Variants in DOCK1 observed in about 807,000 individuals in gnomAD.
DOCK1 encodes the protein dedicator of cytokinesis protein 1.
A neutral mutation model predicts 262.7 loss-of-function variants in DOCK1; 138 were observed. The observed-to-expected ratio is 0.53, with a 90% CI of 0.46 to 0.61. DOCK1 has a LOEUF of 0.61. Ranked by LOEUF, DOCK1 falls within the 20% of genes least tolerant of loss-of-function variation. DOCK1 has a pLI of 0.00. For synonymous variants in DOCK1, 866 were observed against 867.4 expected (o/e 1.00, Z 0.03); for missense variants, 1,908 against 2,370.7 (o/e 0.80, Z 4.05).
intron 27 of DOCK1, among the ~76,000 whole-genome samples, chr10:127,203,762 T>C (rs1263286497): frequency 6.6e-6 from 1 of 152,122 alleles, no homozygotes; most frequent in Non-Finnish European, 1.5e-5. Context: ...AATTTGTGTT[T>C]TGGCACATTC....
chr10:126,991,836 T>C (rs1449138227), intron 6 of DOCK1, among the ~76,000 whole-genome samples: 1 of 152,130 alleles, frequency 6.6e-6, no homozygotes, highest in Non-Finnish European at 1.5e-5. Flanking sequence ...GCCGGAAATC[T>C]CAAGTTTTAA....
At chr10:127,318,162 G>A (rs1026233078) in intron 29 of DOCK1, among the ~76,000 whole-genome samples, 13 of 152,150 alleles carry the variant, frequency 8.5e-5, no homozygotes, top group African/African-American at 1.2e-4. Flanking sequence ...GATTATTTTC[G>A]TTGCAAAATT....
At chr10:126,963,621 TTCCCTTCCCTTCCCTTCCC>T (rs1460361269) in intron 1 of DOCK1, among the ~76,000 whole-genome samples, 24 of 61,998 alleles carry the variant, frequency 3.9e-4, no homozygotes, top group African/African-American at 1.8e-3. Flanking sequence ...TTCCCTTCCC[TTCCCTTCCCTTCCCTTCCC>T]TCCTTCCTTC....
chr10:127,427,393 C>T (rs148901176), intron 47 of DOCK1, among the ~76,000 whole-genome samples: 1 of 152,134 alleles, frequency 6.6e-6, no homozygotes, highest in South Asian at 2.1e-4. Flanking sequence ...TCTATTGAAC[C>T]CTGTTTTCTT....
Position 127,208,710 on chromosome 10 carries a change from AGATCACTGAGCT to A in DOCK1, c.2848-39297_2848-39286del, listed in dbSNP as rs2057834314. Among the ~76,000 whole-genome samples the A allele has an allele frequency of 3.9e-5, 6 of 152,332 alleles. No individual in the cohort carries two copies. The South Asian group carries it at 1.2e-3, about 32-fold the overall frequency. Reference sequence around the variant, plus strand: ...ACAAAATGTGACATAGTGAACATTGAGATCACTGAGCTTCATTGTGGATTAGCACCCCACTTT... The same window carrying A: ...ACAAAATGTGACATAGTGAACATTGATCATTGTGGATTAGCACCCCACTTT... On this transcript the variant is annotated intron_variant, in intron 27 of 51. Transcript: ENST00000623213.
intron 2 of DOCK1, 99 bp from the exon 3 acceptor site, chr10:126,977,849 C>G (rs2038664093): frequency 3.4e-6 from 4 of 1,192,704 alleles, no homozygotes; most frequent in Admixed American, 1.8e-5. Context: ...ACTGACCTCA[C>G]TGGTTCTGCC....
chr10:127,195,549 A>C (rs955997227), intron 27 of DOCK1, among the ~76,000 whole-genome samples: 1 of 146,840 alleles, frequency 6.8e-6, no homozygotes, highest in Non-Finnish European at 1.5e-5. Flanking sequence ...AATCAGCCGT[A>C]CTTGTACTTT....
At chr10:127,186,748 T>C (rs2056309737) in intron 27 of DOCK1, among the ~76,000 whole-genome samples, 1 of 152,030 alleles carries the variant, frequency 6.6e-6, no homozygotes, top group Non-Finnish European at 1.5e-5. Context: ...GCCACACTGC[T>C]GTTGTCCATT....
rs35535729 is a variant in DOCK1, at chr10:127,422,158, C to CTTTTTTTTTTTTTTTTTTT, written c.4776+2418_4776+2436dup. On this transcript the variant is annotated intron_variant, in intron 46 of 51. Coordinates refer to ENST00000623213, the MANE Select transcript of DOCK1 (RefSeq NM_001290223.2). Reference sequence around the variant, plus strand: ...CAACAAGACTTGTTATTTTGTTTGTCTTTTTTTTTTTTTTTTTTTTTTTTT... The same window carrying CTTTTTTTTTTTTTTTTTTT: ...CAACAAGACTTGTTATTTTGTTTGTCTTTTTTTTTTTTTTTTTTTTTTTTTTTTTTTTTTTTTTTTTTTT... Among the ~76,000 whole-genome samples, 22 of 61,384 alleles carry CTTTTTTTTTTTTTTTTTTT rather than the reference C, an allele frequency of 3.6e-4. 3 individuals carry two copies. Among genetic ancestry groups the CTTTTTTTTTTTTTTTTTTT allele is most frequent in the African/African-American group, 6.4e-4 (9 of 14,114 alleles). The allele number at this position is 61,384 out of a possible 152,430, so 40.3% of individuals were successfully genotyped here. A position where few individuals can be genotyped will look rare whatever the true frequency, so the allele number is the denominator to read the frequency against.
At chr10:127,101,693 C>T (rs1002642083) in intron 23 of DOCK1, among the ~76,000 whole-genome samples, 3 of 152,188 alleles carry the variant, frequency 2.0e-5, no homozygotes, top group Non-Finnish European at 2.9e-5. Flanking sequence ...TGTCCGGCAG[C>T]CCAAGGGGAG....
intron 27 of DOCK1, among the ~76,000 whole-genome samples, chr10:127,221,537 G>A (rs1435443026): frequency 2.0e-5 from 3 of 152,182 alleles, no homozygotes; most frequent in Admixed American, 1.3e-4. Context: ...GCATCCATGT[G>A]CCCATGTGTC....
intron 29 of DOCK1, among the ~76,000 whole-genome samples, chr10:127,262,213 C>CATATAT (rs372547717): frequency 7.9e-6 from 1 of 126,484 alleles, no homozygotes. Flanking sequence ...TGTGTGTGTG[C>CATATAT]GTGTGTGTGT....
At chr10:127,259,766 A>G (rs962000312) in intron 29 of DOCK1, among the ~76,000 whole-genome samples, 2 of 150,322 alleles carry the variant, frequency 1.3e-5, no homozygotes, top group African/African-American at 4.9e-5. Flanking sequence ...AGGAGGGAAT[A>G]GTCAAAATCT....
chr10:127,122,339 T>G (rs907577286), intron 25 of DOCK1, among the ~76,000 whole-genome samples: 2 of 152,180 alleles, frequency 1.3e-5, no homozygotes, highest in Non-Finnish European at 2.9e-5. Context: ...AGACTGACCT[T>G]TGGCCTTTAG....
In DOCK1 at chr10:127,127,665, C is replaced by G; in HGVS notation, c.2752-4C>G. 6.2e-7 allele frequency: 1 copy of G among 1,610,086 alleles called. No individual in the cohort carries two copies. Among genetic ancestry groups the G allele is most frequent in the Non-Finnish European group, 8.5e-7 (1 of 1,177,042 alleles). On this transcript the variant is annotated splice_region_variant and splice_polypyrimidine_tract_variant and intron_variant, in intron 26 of 51. Coordinates refer to ENST00000623213, the MANE Select transcript of DOCK1 (RefSeq NM_001290223.2). ...TTGGTGTTCATTGGTGTGTCCTTCCCCAGGGGCCAACCCAGAGGCACGTCC... is the reference window on the plus strand; with the variant it reads ...TTGGTGTTCATTGGTGTGTCCTTCCGCAGGGGCCAACCCAGAGGCACGTCC...
chr10:127,384,050 G>A (rs1337187749), intron 37 of DOCK1, among the ~76,000 whole-genome samples: 2 of 152,156 alleles, frequency 1.3e-5, no homozygotes, highest in Non-Finnish European at 2.9e-5. Flanking sequence ...TGGGAGTCAG[G>A]CATCTTCCGC....
At chr10:127,338,965 G>T (rs571171288) in intron 29 of DOCK1, 41 bp from the exon 30 acceptor site, 3 of 1,518,288 alleles carry the variant, frequency 2.0e-6, no homozygotes, top group East Asian at 4.9e-5. Context: ...AAGTGCCAGA[G>T]CGTAAGTGTG....
At chr10:127,385,683 C>T (rs2066070881) in intron 38 of DOCK1, among the ~76,000 whole-genome samples, 1 of 152,258 alleles carries the variant, frequency 6.6e-6, no homozygotes, top group Admixed American at 6.5e-5. Context: ...CTGGGAGCTG[C>T]AAGCCTGATG....
chr10:127,210,542 G>A (rs910850029), intron 27 of DOCK1, among the ~76,000 whole-genome samples: 13 of 152,308 alleles, frequency 8.5e-5, no homozygotes, highest in African/African-American at 2.2e-4. Context: ...CGAAGCAGAG[G>A]GGTTTCTTTT....
Sources: gnomAD v4.1 joint callset for allele counts (sites outside exome capture counted in the v4.1 genomes callset) on GRCh38, gnomAD v4.1.1 for gene constraint, MANE v1.5 for transcripts, NCBI Gene and HGNC (gene_info 2026-07-23, HGNC 2026-07-21) for gene names.